The following CLSTN2 variants were observed in gnomAD, a reference collection of about 807,000 sequenced individuals.
CLSTN2 encodes calsyntenin-2.
CLSTN2 carries 48 observed loss-of-function variants against 101.2 expected under a neutral mutation model. The observed-to-expected ratio is 0.47, with a 90% CI of 0.38 to 0.60. The LOEUF (loss-of-function observed/expected upper bound fraction) is 0.60. Ranked by LOEUF, CLSTN2 falls within the 20% of genes least tolerant of loss-of-function variation. The pLI is 0.00. For missense variants in CLSTN2, 1,160 were observed against 1,238.2 expected (o/e 0.94, Z 0.95); for synonymous variants, 481 against 463.6 (o/e 1.04, Z -0.48).
intron 2 of CLSTN2, among the ~76,000 whole-genome samples, chr3:140,182,257 A>C (rs372449600): frequency 7.9e-5 from 12 of 152,208 alleles, no homozygotes; most frequent in African/African-American, 2.7e-4. Context: ...CATTTTAGTC[A>C]TTCTCTTTTA....
chr3:140,435,401 T>A (rs1016525695), intron 5 of CLSTN2, among the ~76,000 whole-genome samples: 1 of 152,220 alleles, frequency 6.6e-6, no homozygotes, highest in Non-Finnish European at 1.5e-5. Flanking sequence ...CCGGATCTCA[T>A]TCTCTTTTAT....
At chr3:140,284,924 T>G (rs2086882144) in intron 2 of CLSTN2, among the ~76,000 whole-genome samples, 1 of 151,940 alleles carries the variant, frequency 6.6e-6, no homozygotes, top group South Asian at 2.1e-4. Flanking sequence ...AACCCCCACC[T>G]CTCACCCCTA....
At chr3:140,343,925 T>G (rs1312575188) in intron 2 of CLSTN2, among the ~76,000 whole-genome samples, 1 of 152,226 alleles carries the variant, frequency 6.6e-6, no homozygotes, top group Non-Finnish European at 1.5e-5. Context: ...AGCTGCTGTG[T>G]GCTCAGAACT....
At chr3:140,222,010 C>T (rs766586688) in intron 2 of CLSTN2, among the ~76,000 whole-genome samples, 4 of 152,208 alleles carry the variant, frequency 2.6e-5, no homozygotes, top group South Asian at 2.1e-4. Flanking sequence ...AGAGAGATGT[C>T]TGTTTTGCCA....
intron 1 of CLSTN2, among the ~76,000 whole-genome samples, chr3:140,033,795 C>A (rs1444802703): frequency 6.6e-6 from 1 of 152,008 alleles, no homozygotes; most frequent in Admixed American, 6.6e-5. Context: ...ATACATTTTT[C>A]TGGGGAGAGG....
intron 2 of CLSTN2, among the ~76,000 whole-genome samples, chr3:140,178,688 T>C (rs1004851502): frequency 6.6e-6 from 1 of 152,206 alleles, no homozygotes; most frequent in Admixed American, 6.5e-5. Context: ...CATCCATCCA[T>C]GCTGCAGGCG....
chr3:140,040,668 G>C (rs1220693007), intron 1 of CLSTN2, among the ~76,000 whole-genome samples: 1 of 152,056 alleles, frequency 6.6e-6, no homozygotes, highest in African/African-American at 2.4e-5. Flanking sequence ...GGAAAGTCAA[G>C]TCTCCAAGCA....
intron 2 of CLSTN2, among the ~76,000 whole-genome samples, chr3:140,338,734 G>T (rs1416700854): frequency 6.6e-6 from 1 of 152,182 alleles, no homozygotes; most frequent in African/African-American, 2.4e-5. Context: ...TCCTGCGTGA[G>T]GCCTAGTGGA....
intron 8 of CLSTN2, among the ~76,000 whole-genome samples, chr3:140,530,347 T>C (rs1212452820): frequency 6.6e-6 from 1 of 152,248 alleles, no homozygotes; most frequent in African/African-American, 2.4e-5. Flanking sequence ...AGGAATGCTA[T>C]AAATAGAAAA....
At chr3:140,338,194 A>ATCTC (rs996987789) in intron 2 of CLSTN2, among the ~76,000 whole-genome samples, 1 of 151,298 alleles carries the variant, frequency 6.6e-6, no homozygotes, top group African/African-American at 2.4e-5. Context: ...TCTCTGACTG[A>ATCTC]TCTCTCTCTC....
At chr3:139,951,742 G>A (rs1250410014) in intron 1 of CLSTN2, among the ~76,000 whole-genome samples, 1 of 152,072 alleles carries the variant, frequency 6.6e-6, no homozygotes, top group Non-Finnish European at 1.5e-5. Flanking sequence ...CTTTGGGAAA[G>A]AGGAGCTTGA....
At chr3:140,164,789 C>A (rs1329398198) in intron 1 of CLSTN2, among the ~76,000 whole-genome samples, 1 of 152,140 alleles carries the variant, frequency 6.6e-6, no homozygotes, top group Non-Finnish European at 1.5e-5. Context: ...CATTCCCAGG[C>A]TGGAGAAATT....
At chr3:140,058,058 C>G (rs1220868919) in intron 1 of CLSTN2, among the ~76,000 whole-genome samples, 4 of 151,420 alleles carry the variant, frequency 2.6e-5, no homozygotes, top group African/African-American at 9.7e-5. Context: ...CTGAAACCTT[C>G]TATTTGGAGA....
At chr3:140,156,633 T>G (rs1224839890) in intron 1 of CLSTN2, among the ~76,000 whole-genome samples, 1 of 152,224 alleles carries the variant, frequency 6.6e-6, no homozygotes, top group African/African-American at 2.4e-5. Context: ...GTGGGGATAC[T>G]GAGGCATACT....
At chr3:140,382,201 A>G (rs368205707) in intron 2 of CLSTN2, among the ~76,000 whole-genome samples, 26 of 152,160 alleles carry the variant, frequency 1.7e-4, no homozygotes, top group Admixed American at 3.3e-4. Context: ...ACAGTTTGCA[A>G]TCACATCTTT....
At chr3:139,986,939 G>T (rs6766139) in intron 1 of CLSTN2, among the ~76,000 whole-genome samples, 49,845 of 151,984 alleles carry the variant, frequency 0.33, 10,100 homozygotes, top group Non-Finnish European at 0.46. Context: ...TATATGGAAA[G>T]ATACTTCTTA....
chr3:140,128,319 G>T (rs1375933507), intron 1 of CLSTN2, among the ~76,000 whole-genome samples: 2 of 152,216 alleles, frequency 1.3e-5, no homozygotes, highest in African/African-American at 4.8e-5. Flanking sequence ...GGGCCTGACT[G>T]CTTTGTAGTT....
At chr3:140,550,910 T>A (rs1469765073) in intron 10 of CLSTN2, among the ~76,000 whole-genome samples, 1 of 151,580 alleles carries the variant, frequency 6.6e-6, no homozygotes, top group African/African-American at 2.4e-5. Context: ...CTTCCATTCC[T>A]AGGGCATGGC....
intron 8 of CLSTN2, among the ~76,000 whole-genome samples, chr3:140,471,167 G>C (rs76759816): frequency 0.014 from 2,184 of 152,256 alleles, 44 homozygotes; most frequent in African/African-American, 0.049. Context: ...AGCCTGCAGT[G>C]AGTCATGTGC....
Sources: gnomAD v4.1 joint callset for allele counts (sites outside exome capture counted in the v4.1 genomes callset) on GRCh38, gnomAD v4.1.1 for gene constraint, MANE v1.5 for transcripts, NCBI Gene and HGNC (gene_info 2026-07-23, HGNC 2026-07-21) for gene names.